Variants in SLC8A1 observed in about 807,000 individuals in gnomAD.
The protein encoded by SLC8A1 is solute carrier family 8 member A1.
Under a neutral mutation model 68.3 loss-of-function variants are expected in SLC8A1, and 18 were observed. The observed-to-expected ratio is 0.26, with a 90% confidence interval of 0.18 to 0.39. SLC8A1 has a LOEUF of 0.39. Among genes scored for constraint, SLC8A1 ranks in the 10% least tolerant of loss-of-function variants. The pLI is 1.00. For synonymous variants in SLC8A1, 475 were observed against 415.5 expected (o/e 1.14, Z -1.74); for missense variants, 985 against 1,156.7 (o/e 0.85, Z 2.15).
rs902181687 is a variant in SLC8A1 at position 40,170,228 on chromosome 2, A to G, written c.1930+4597T>C. 8 of 1,514,846 alleles carry G rather than the reference A, an allele frequency of 5.3e-6. No homozygotes were observed. In the African/African-American group the frequency reaches 8.2e-5, roughly 16 times the overall value. 93.8% of individuals were successfully genotyped at this position (1,514,846 alleles called of 1,614,324 possible). On this transcript the variant is annotated intron_variant, in intron 4 of 7. Coordinates refer to ENST00000406785, the Ensembl canonical transcript of SLC8A1. ...AATGCATGACTGTAATGTCTCTAACATTAAAGAACTCTGGGAGGCTGTGGT... is the reference window on the plus strand; with the variant it reads ...AATGCATGACTGTAATGTCTCTAACGTTAAAGAACTCTGGGAGGCTGTGGT...
At chr2:40,404,077 T>A (rs1016518938) in intron 2 of SLC8A1, among the ~76,000 whole-genome samples, 7 of 152,124 alleles carry the variant, frequency 4.6e-5, no homozygotes, top group Non-Finnish European at 7.4e-5. Context: ...CATTTTTTTT[T>A]AAGACATATG....
chr2:40,425,954 T>C (rs929077243), intron 2 of SLC8A1, among the ~76,000 whole-genome samples: 9 of 152,066 alleles, frequency 5.9e-5, no homozygotes, highest in African/African-American at 1.4e-4. Context: ...CTATTCCCAA[T>C]AGCAAAGACA....
chr2:40,189,036 A>T lies in SLC8A1; in HGVS notation c.1809-11181T>A, dbSNP rs189712550. On this transcript the variant is annotated intron_variant, in intron 2 of 7. Transcript: ENST00000406785. The stretch of plus-strand genomic sequence containing the variant: ...TAGGACCTTAGGTATTAGTAAAGCT[A>T]ATTTACTAATATCAAGGGGTAGACT... 4.4e-4 allele frequency among the ~76,000 whole-genome samples: 67 copies of T among 152,292 alleles called. No homozygotes were observed. The East Asian group carries it at 0.011, about 25-fold the overall frequency.
rs1020892782 is a variant in SLC8A1 at position 40,265,541 on chromosome 2, A to G, written c.1809-87686T>C. ...ATAATAAAACTGATGAGAAAGATCC[A>G]TTAGTTTAGCAGAACCCTTTATTTC... On this transcript the variant is annotated intron_variant, in intron 2 of 7. Coordinates refer to ENST00000406785, the Ensembl canonical transcript of SLC8A1. Among the ~76,000 whole-genome samples, 4 of 152,336 alleles carry G rather than the reference A, an allele frequency of 2.6e-5. No individual in the cohort carries two copies. The East Asian group carries it at 5.8e-4, about 22-fold the overall frequency.
chr2:40,262,733 A>T (rs762754367), intron 2 of SLC8A1, among the ~76,000 whole-genome samples: 2 of 152,186 alleles, frequency 1.3e-5, no homozygotes, highest in Non-Finnish European at 2.9e-5. Context: ...AGTAATGCAT[A>T]TATGGTTGGA....
intron 2 of SLC8A1, among the ~76,000 whole-genome samples, chr2:40,368,692 A>T (rs1326803268): frequency 2.6e-5 from 4 of 152,032 alleles, no homozygotes; most frequent in Non-Finnish European, 5.9e-5. Flanking sequence ...TTGAAAACCC[A>T]GGTTAAGCCT....
At chr2:40,221,545 G>C (rs549284155) in intron 2 of SLC8A1, among the ~76,000 whole-genome samples, 5 of 152,194 alleles carry the variant, frequency 3.3e-5, no homozygotes, top group African/African-American at 1.2e-4. Context: ...AGTCAGGCAA[G>C]AGAAAGAAAT....
chr2:40,190,592 G>C (rs2051606726), intron 2 of SLC8A1: 1 of 152,074 alleles, frequency 6.6e-6, no homozygotes, highest in African/African-American at 2.4e-5. Flanking sequence ...TGGTAACTCA[G>C]TACCATTTCA....
chr2:40,257,271 T>G (rs1342942778), intron 2 of SLC8A1, among the ~76,000 whole-genome samples: 1 of 152,174 alleles, frequency 6.6e-6, no homozygotes, highest in Admixed American at 6.6e-5. Context: ...CTCTAGTGCC[T>G]TCCTAACACG....
chr2:40,443,815 G>A (rs1225591190), intron 1 of SLC8A1, among the ~76,000 whole-genome samples: 2 of 152,242 alleles, frequency 1.3e-5, no homozygotes, highest in East Asian at 1.9e-4. Flanking sequence ...TGTGATATTC[G>A]AATCCTACAC....
chr2:40,322,869 C>G (rs1260366957), intron 2 of SLC8A1, among the ~76,000 whole-genome samples: 1 of 151,560 alleles, frequency 6.6e-6, no homozygotes, highest in Admixed American at 6.6e-5. Flanking sequence ...ACCCCACACA[C>G]AGAATCTCAT....
chr2:40,243,078 A>T (rs933658930), intron 2 of SLC8A1, among the ~76,000 whole-genome samples: 7 of 152,236 alleles, frequency 4.6e-5, no homozygotes, highest in Admixed American at 4.6e-4. Context: ...AGGAATACAG[A>T]CATTGAAGGC....
At chr2:40,398,776 G>A (rs1244787708) in intron 2 of SLC8A1, among the ~76,000 whole-genome samples, 1 of 152,008 alleles carries the variant, frequency 6.6e-6, no homozygotes, top group Non-Finnish European at 1.5e-5. Context: ...TGAATCTTCT[G>A]CTGTTATAAA....
At chr2:40,264,560 T>A (rs1362807658) in intron 2 of SLC8A1, among the ~76,000 whole-genome samples, 2 of 152,248 alleles carry the variant, frequency 1.3e-5, no homozygotes, top group East Asian at 3.9e-4. Context: ...GGGACACGGA[T>A]GAAGCTGGAA....
chr2:40,330,016 T>G (rs2076252458), intron 2 of SLC8A1, among the ~76,000 whole-genome samples: 3 of 152,310 alleles, frequency 2.0e-5, no homozygotes, highest in Middle Eastern at 3.4e-3. Context: ...TTCAGAAGCA[T>G]AAACTAATGT....
chr2:40,158,604 C>T (rs920311513), intron 6 of SLC8A1, among the ~76,000 whole-genome samples: 11 of 152,142 alleles, frequency 7.2e-5, no homozygotes, highest in African/African-American at 2.7e-4. Context: ...AATGATGACA[C>T]CATGGCCGCA....
intron 2 of SLC8A1, among the ~76,000 whole-genome samples, chr2:40,427,854 G>T (rs1039471662): frequency 1.3e-5 from 2 of 152,122 alleles, no homozygotes; most frequent in African/African-American, 4.8e-5. Flanking sequence ...CTACAAAAGG[G>T]CTGGATGGCC....
chr2:40,250,823 T>C (rs2062625332), intron 2 of SLC8A1: 1 of 152,178 alleles, frequency 6.6e-6, no homozygotes, highest in African/African-American at 2.4e-5. Flanking sequence ...TAGCACAATA[T>C]AGGTGAAATC....
At chr2:40,199,424 A>G (rs2053712429) in intron 2 of SLC8A1, among the ~76,000 whole-genome samples, 1 of 151,650 alleles carries the variant, frequency 6.6e-6, no homozygotes, top group Admixed American at 6.6e-5. Flanking sequence ...ATAGACCCCC[A>G]TAAGGACCAT....
Sources: gnomAD v4.1 joint callset for allele counts (sites outside exome capture counted in the v4.1 genomes callset) on GRCh38, gnomAD v4.1.1 for gene constraint, MANE v1.5 for transcripts, NCBI Gene and HGNC (gene_info 2026-07-23, HGNC 2026-07-21) for gene names.